The following GALNT14 variants were observed in gnomAD, a reference collection of about 807,000 sequenced individuals.
GALNT14 encodes polypeptide N-acetylgalactosaminyltransferase 14.
GALNT14 carries 60 observed loss-of-function variants against 77.5 expected under a neutral mutation model. That is an observed-to-expected ratio of 0.77 (90% confidence interval 0.63 to 0.96). The LOEUF (loss-of-function observed/expected upper bound fraction) is 0.96, where lower values mean the gene tolerates loss of function less well. Among genes scored for constraint, GALNT14 ranks in the 40% least tolerant of loss-of-function variants. The probability of loss-of-function intolerance (pLI) is 0.00; values close to 1 mark genes in which losing one functional copy is unlikely to be tolerated. For missense variants in GALNT14, 710 were observed against 731.0 expected (o/e 0.97, Z 0.33); for synonymous variants, 280 against 281.7 (o/e 0.99, Z 0.06).
At chr2:30,918,715 G>A (rs1418510335) in intron 13 of GALNT14, among the ~76,000 whole-genome samples, 1 of 139,160 alleles carries the variant, frequency 7.2e-6, no homozygotes, top group African/African-American at 2.7e-5. Context: ...AGGGAGGGTG[G>A]CATCGGGCAG....
rs192310254 is a variant in GALNT14 at position 31,036,739 on chromosome 2, C to T, written c.130-43732G>A. On this transcript the variant is annotated intron_variant, in intron 1 of 14. Coordinates refer to ENST00000349752, the MANE Select transcript of GALNT14 (RefSeq NM_024572.4). ...TTTATTTGAGAATGTTTTAATTTCTCCTTCATTTCTGAGGAATAGTCTCTA... is the reference window on the plus strand; with the variant it reads ...TTTATTTGAGAATGTTTTAATTTCTTCTTCATTTCTGAGGAATAGTCTCTA... 4.1e-4 allele frequency among the ~76,000 whole-genome samples: 63 copies of T among 152,284 alleles called. 1 individual carries two copies. The highest frequency in any genetic ancestry group is 3.4e-3 in the Middle Eastern group (1 of 294).
chr2:31,001,609 T>G (rs1670372804), intron 1 of GALNT14, among the ~76,000 whole-genome samples: 1 of 151,882 alleles, frequency 6.6e-6, no homozygotes, highest in Non-Finnish European at 1.5e-5. Context: ...ACAAAGCTCA[T>G]CAAAAGATGA....
At chr2:31,114,884 A>G (rs1678025960) in intron 1 of GALNT14, 2 of 704,372 alleles carry the variant, frequency 2.8e-6, no homozygotes, top group Non-Finnish European at 5.2e-6. Context: ...AGAACAGGTA[A>G]CTAACAAAGA....
intron 9 of GALNT14, among the ~76,000 whole-genome samples, chr2:30,937,824 A>T (rs1666145912): frequency 6.6e-6 from 1 of 152,184 alleles, no homozygotes; most frequent in African/African-American, 2.4e-5. Context: ...GGGTGTGGAC[A>T]TCTTTGGGAG....
At chr2:31,030,224 G>A (rs953184871) in intron 1 of GALNT14, among the ~76,000 whole-genome samples, 17 of 152,096 alleles carry the variant, frequency 1.1e-4, no homozygotes, top group African/African-American at 4.1e-4. Flanking sequence ...AAGATCTGTG[G>A]GGACTGGTGC....
intron 1 of GALNT14, among the ~76,000 whole-genome samples, chr2:31,074,561 T>G (rs13021484): frequency 0.53 from 80,797 of 151,876 alleles, 22,217 homozygotes; most frequent in African/African-American, 0.67. Context: ...GGCTAACTGG[T>G]TCAGGATGGT....
rs143197651 is a variant in GALNT14 at position 30,954,415 on chromosome 2, C to A, written c.654+1203G>T. Among the ~76,000 whole-genome samples, 625 of 152,266 alleles carry A rather than the reference C, an allele frequency of 4.1e-3. 4 individuals are homozygous for A. The highest frequency in any genetic ancestry group is 0.014 in the African/African-American group (590 of 41,540). ...CACTCTTGTTGCCTCAGCTGGAGTG[C>A]AATGGTGCGATCTCAGCTCTCTGCA... is the stretch of plus-strand genomic sequence containing the variant. On this transcript the variant is annotated intron_variant, in intron 6 of 14. Coordinates refer to ENST00000349752, the MANE Select transcript of GALNT14 (RefSeq NM_024572.4).
chr2:31,054,033 G>C (rs1411939687), intron 1 of GALNT14, among the ~76,000 whole-genome samples: 2 of 152,182 alleles, frequency 1.3e-5, no homozygotes, highest in African/African-American at 4.8e-5. Context: ...ACTCAGGCAT[G>C]CCTCCTCTGT....
At chr2:31,098,784 T>C (rs140852598) in intron 1 of GALNT14, among the ~76,000 whole-genome samples, 79 of 152,236 alleles carry the variant, frequency 5.2e-4, no homozygotes, top group Non-Finnish European at 9.3e-4. Context: ...TAATCATGTG[T>C]ATGTGTTATA....
chr2:30,896,213 T>C, the GALNT14 span, among the ~76,000 whole-genome samples: 2 of 152,246 alleles, frequency 1.3e-5, no homozygotes, highest in East Asian at 3.8e-4. Context: ...TGAATGACTC[T>C]GAGTCAGTGG....
rs550296587 is a variant in GALNT14, at chr2:31,134,072, T to A, written c.129+3886A>T. On this transcript the variant is annotated intron_variant, in intron 1 of 14. Coordinates refer to ENST00000349752, the MANE Select transcript of GALNT14 (RefSeq NM_024572.4). The stretch of plus-strand genomic sequence containing the variant: ...CATCCCGCCCTCTTTGGAGATCCTG[T>A]CACTAGGTGAGTGGAGACATTTCCT... Among the ~76,000 whole-genome samples, 200 of 152,284 alleles carry A rather than the reference T, an allele frequency of 1.3e-3. 7 individuals are homozygous for A. The South Asian group carries it at 0.04, about 31-fold the overall frequency.
rs11314175 is a variant in GALNT14 at position 30,977,092 on chromosome 2, C to CTTTTTTTTTTTTTTTTTTTTTTTTT, written c.300-10791_300-10790insAAAAAAAAAAAAAAAAAAAAAAAAA. ...CTTTATTCCATATTGGCTTTTCTGTCTTTTTTTTTTTTTTTGAGACAGGGT... is the reference window on the plus strand; with the variant it reads ...CTTTATTCCATATTGGCTTTTCTGTCTTTTTTTTTTTTTTTTTTTTTTTTTTTTTTTTTTTTTTTTGAGACAGGGT... On this transcript the variant is annotated intron_variant, in intron 2 of 14. Coordinates refer to ENST00000349752, the MANE Select transcript of GALNT14 (RefSeq NM_024572.4). Among the ~76,000 whole-genome samples the CTTTTTTTTTTTTTTTTTTTTTTTTT allele has an allele frequency of 3.8e-4, 51 of 135,096 alleles. 3 individuals carry two copies. Among genetic ancestry groups the CTTTTTTTTTTTTTTTTTTTTTTTTT allele is most frequent in the South Asian group, 2.9e-3 (12 of 4,178 alleles). The allele number at this position is 135,096 out of a possible 152,430, so 88.6% of individuals were successfully genotyped here. A position where few individuals can be genotyped will look rare whatever the true frequency, so the allele number is the denominator to read the frequency against.
At chr2:30,983,859 TAAG>T (rs1289102814) in intron 2 of GALNT14, among the ~76,000 whole-genome samples, 2 of 143,690 alleles carry the variant, frequency 1.4e-5, no homozygotes, top group South Asian at 2.3e-4. Flanking sequence ...TTAGACATAA[TAAG>T]AAGTTTTATG....
At chr2:30,931,930 C>T (rs1041313070) in intron 10 of GALNT14, 138 bp downstream of exon 10, 28 of 801,748 alleles carry the variant, frequency 3.5e-5, no homozygotes, top group African/African-American at 1.4e-4. Flanking sequence ...CTGGGTAGTA[C>T]GAGGTGCAGC....
chr2:31,078,911 C>T, intron 1 of GALNT14: 3 of 1,289,062 alleles, frequency 2.3e-6, no homozygotes, highest in Non-Finnish European at 3.0e-6. Context: ...GAGCAAAGGA[C>T]TACAAATTCA....
intron 1 of GALNT14, among the ~76,000 whole-genome samples, chr2:31,093,027 G>C (rs140357633): frequency 6.4e-4 from 98 of 152,264 alleles, no homozygotes; most frequent in African/African-American, 2.3e-3. Context: ...AACCAGAAGT[G>C]GCTCCTGTCT....
At chr2:30,990,706 C>T (rs1669644088) in intron 2 of GALNT14, among the ~76,000 whole-genome samples, 1 of 152,220 alleles carries the variant, frequency 6.6e-6, no homozygotes, top group Non-Finnish European at 1.5e-5. Flanking sequence ...TGTGCTTGCC[C>T]TCATTCTCAA....
chr2:30,955,302 G>C (rs543413806), intron 6 of GALNT14, among the ~76,000 whole-genome samples: 1 of 152,130 alleles, frequency 6.6e-6, no homozygotes, highest in African/African-American at 2.4e-5. Context: ...TCTGCTCTCC[G>C]GTAGAACCGG....
chr2:31,031,015 GT>G (rs1558508498), intron 1 of GALNT14, among the ~76,000 whole-genome samples: 1 of 152,198 alleles, frequency 6.6e-6, no homozygotes, highest in Non-Finnish European at 1.5e-5. Flanking sequence ...CATGTGTGTA[GT>G]CACACACCCT....
Sources: allele counts gnomAD v4.1 joint callset (sites outside exome capture counted in the v4.1 genomes callset), GRCh38; gene constraint gnomAD v4.1.1; transcripts MANE v1.5; gene names NCBI Gene and HGNC (gene_info 2026-07-23, HGNC 2026-07-21).